PCDH11X: variants seen among roughly 807,000 people sequenced by gnomAD.
The protein encoded by PCDH11X is protocadherin 11 X-linked.
Under a neutral mutation model 53.3 loss-of-function variants are expected in PCDH11X, and 18 were observed. That is an observed-to-expected ratio of 0.34 (90% CI 0.23 to 0.50). PCDH11X has a LOEUF of 0.50. Ranked by LOEUF, PCDH11X falls within the 20% of genes least tolerant of loss-of-function variation. The pLI, the probability that PCDH11X is intolerant of heterozygous loss-of-function variation, is 0.98. For missense variants in PCDH11X, 570 were observed against 1,032.4 expected, an observed-to-expected ratio of 0.55 and a Z score of 6.14; for synonymous variants, 279 against 393.3, an observed-to-expected ratio of 0.71 and a Z score of 3.44.
intron 8 of PCDH11X, among the ~76,000 whole-genome samples, chrX:92,361,058 G>A (rs963582318): frequency 9.1e-5 from 10 of 109,477 alleles, no homozygotes; most frequent in Admixed American, 3.9e-4. Context: ...CCCATGTTAC[G>A]TCACTCACAA....
intron 8 of PCDH11X, among the ~76,000 whole-genome samples, chrX:92,293,501 G>A (rs1335127759): frequency 1.8e-5 from 2 of 109,179 alleles, no homozygotes; most frequent in African/African-American, 6.8e-5. Context: ...GCGGGCGCCT[G>A]TAGTCCCAGC....
intron 6 of PCDH11X, among the ~76,000 whole-genome samples, chrX:92,101,324 A>T (rs1468707727): frequency 9.0e-6 from 1 of 111,656 alleles, no homozygotes; most frequent in Non-Finnish European, 1.9e-5. Flanking sequence ...AAAAAGGAGC[A>T]TCTATACAGG....
intron 10 of PCDH11X, among the ~76,000 whole-genome samples, chrX:92,568,147 C>T (rs1221420921): frequency 7.3e-5 from 8 of 109,897 alleles, no homozygotes; most frequent in Non-Finnish European, 1.5e-4. Flanking sequence ...ATAGGCTGGG[C>T]CCAGTGGCTC....
intron 6 of PCDH11X, among the ~76,000 whole-genome samples, chrX:92,030,228 T>G (rs1043185466): frequency 1.8e-5 from 2 of 112,093 alleles, no homozygotes; most frequent in African/African-American, 6.5e-5. Flanking sequence ...CTCAAAGTGC[T>G]GGGATTACAT....
chrX:92,039,996 C>A (rs184765395), intron 6 of PCDH11X, among the ~76,000 whole-genome samples: 34 of 108,356 alleles, frequency 3.1e-4, no homozygotes, highest in Middle Eastern at 4.7e-3. Context: ...ATCCAACATC[C>A]AGGGCCTAGA....
intron 1 of PCDH11X, among the ~76,000 whole-genome samples, chrX:91,808,776 G>C (rs1242327180): frequency 9.1e-6 from 1 of 110,352 alleles, no homozygotes; most frequent in African/African-American, 3.3e-5. Flanking sequence ...ATTCATGTAT[G>C]TTTGTGTTTA....
chrX:92,410,267 C>T (rs984169290), intron 9 of PCDH11X, among the ~76,000 whole-genome samples: 1 of 108,706 alleles, frequency 9.2e-6, no homozygotes, highest in African/African-American at 3.4e-5. Flanking sequence ...TTCTCTTCTC[C>T]TCCTATTGCT....
At chrX:92,099,047 C>G (rs2064193349) in intron 6 of PCDH11X, among the ~76,000 whole-genome samples, 1 of 112,185 alleles carries the variant, frequency 8.9e-6, no homozygotes, top group Non-Finnish European at 1.9e-5. Flanking sequence ...AGCATGTTTA[C>G]AAAGTATAGG....
chrX:91,991,820 C>CT (rs35369253), intron 6 of PCDH11X, among the ~76,000 whole-genome samples: 33 of 100,999 alleles, frequency 3.3e-4, no homozygotes, highest in East Asian at 6.3e-4. Flanking sequence ...TTTTTAATTT[C>CT]TTTTTTTTTT....
chrX:91,832,753 G>A lies in PCDH11X; in HGVS notation c.-44-2708G>A, dbSNP rs539585525. 2.1e-4 allele frequency among the ~76,000 whole-genome samples: 23 copies of A among 111,585 alleles called. 1 individual carries two copies. The South Asian group carries it at 7.6e-3, about 37-fold the overall frequency. On this transcript the variant is annotated intron_variant, in intron 4 of 10. Coordinates refer to ENST00000682573, the MANE Select transcript of PCDH11X (RefSeq NM_032968.5). ...TAATTATGTTGTGTAGAGATATTGC[G>A]ACATGCATGCAATGCTTTTATTTCT...
intron 6 of PCDH11X, among the ~76,000 whole-genome samples, chrX:91,962,566 T>C (rs1294310143): frequency 1.8e-5 from 2 of 111,578 alleles, no homozygotes; most frequent in African/African-American, 6.5e-5. Flanking sequence ...AGGTGCATGA[T>C]GCAAGCTGTC....
At chrX:91,949,385 G>A (rs1355517991) in intron 6 of PCDH11X, among the ~76,000 whole-genome samples, 2 of 109,940 alleles carry the variant, frequency 1.8e-5, no homozygotes, top group African/African-American at 3.3e-5. Flanking sequence ...AAATGCTGTC[G>A]CTTCTGAATA....
intron 6 of PCDH11X, among the ~76,000 whole-genome samples, chrX:92,143,447 C>T (rs193038298): frequency 1.8e-5 from 2 of 112,311 alleles, no homozygotes; most frequent in African/African-American, 6.5e-5. Flanking sequence ...TGCCCTGTGT[C>T]CCAACCTCTC....
chrX:92,466,286 C>T (rs2750645), intron 9 of PCDH11X, among the ~76,000 whole-genome samples: 2 of 110,817 alleles, frequency 1.8e-5, no homozygotes, highest in South Asian at 7.4e-4. Flanking sequence ...TTACCACAAA[C>T]ATCTTGGGCA....
chrX:91,783,025 A>G (rs992326659), intron 1 of PCDH11X, among the ~76,000 whole-genome samples: 1 of 111,696 alleles, frequency 9.0e-6, no homozygotes, highest in Non-Finnish European at 1.9e-5. Flanking sequence ...AAAACCTTCA[A>G]GGGGTGTCGC....
At chrX:92,240,945 G>A (rs2067253154) in intron 7 of PCDH11X, among the ~76,000 whole-genome samples, 1 of 110,490 alleles carries the variant, frequency 9.1e-6, no homozygotes, top group Non-Finnish European at 1.9e-5. Context: ...GCTGGCCTGG[G>A]TTCTTTTTTA....
At chrX:92,368,904 G>C (rs1310096343) in intron 8 of PCDH11X, among the ~76,000 whole-genome samples, 1 of 109,855 alleles carries the variant, frequency 9.1e-6, no homozygotes, top group Non-Finnish European at 1.9e-5. Context: ...CCTGATGCCA[G>C]CTGGAGATCT....
intron 7 of PCDH11X, among the ~76,000 whole-genome samples, chrX:92,251,712 G>C (rs2067464358): frequency 9.0e-6 from 1 of 110,918 alleles, no homozygotes; most frequent in Admixed American, 9.6e-5. Context: ...GGTGATGATG[G>C]CAATGGCAGT....
intron 8 of PCDH11X, among the ~76,000 whole-genome samples, chrX:92,298,624 G>T (rs2068658069): frequency 9.0e-6 from 1 of 111,025 alleles, no homozygotes; most frequent in Non-Finnish European, 1.9e-5. Flanking sequence ...TTGTGTCTCT[G>T]CCAGGTTTTG....
Sources: gnomAD v4.1 joint callset for allele counts (sites outside exome capture counted in the v4.1 genomes callset) on GRCh38, gnomAD v4.1.1 for gene constraint, MANE v1.5 for transcripts, NCBI Gene and HGNC (gene_info 2026-07-23, HGNC 2026-07-21) for gene names.